Variants in ITPR1 observed in about 807,000 individuals in gnomAD.
The protein encoded by ITPR1 is inositol 1,4,5-trisphosphate receptor type 1.
ITPR1 carries 96 observed loss-of-function variants against 318.4 expected under a neutral mutation model. The observed-to-expected ratio is 0.30, with a 90% CI of 0.26 to 0.36. The LOEUF (loss-of-function observed/expected upper bound fraction) is 0.36, where lower values mean the gene tolerates loss of function less well. Ranked by LOEUF, ITPR1 falls within the 10% of genes least tolerant of loss-of-function variation. The pLI is 1.00. For synonymous variants in ITPR1, 1,312 were observed against 1,289.9 expected, an observed-to-expected ratio of 1.02 and a Z score of -0.37; for missense variants, 2,440 against 3,460.2, an observed-to-expected ratio of 0.71 and a Z score of 7.40.
chr3:4,677,254 C>A (rs1477782325), intron 24 of ITPR1, among the ~76,000 whole-genome samples: 2 of 152,052 alleles, frequency 1.3e-5, no homozygotes, highest in Non-Finnish European at 2.9e-5. Flanking sequence ...CTGGGAGGGT[C>A]CAGCAATGAA....
At chr3:4,701,521 T>G (rs1443912669) in intron 35 of ITPR1, among the ~76,000 whole-genome samples, 1 of 152,082 alleles carries the variant, frequency 6.6e-6, no homozygotes, top group African/African-American at 2.4e-5. Flanking sequence ...GCTTACTATC[T>G]TGGGTGGCTG....
At chr3:4,642,694 G>A (rs1046844279) in intron 7 of ITPR1, among the ~76,000 whole-genome samples, 4 of 152,316 alleles carry the variant, frequency 2.6e-5, no homozygotes, top group African/African-American at 4.8e-5. Flanking sequence ...TTGCTGTGTC[G>A]AGAAGCCGGC....
intron 42 of ITPR1, among the ~76,000 whole-genome samples, chr3:4,731,657 G>C (rs1480538202): frequency 6.6e-6 from 1 of 152,162 alleles, no homozygotes; most frequent in Admixed American, 6.6e-5. Context: ...TAACAGAGTA[G>C]ATAAACCCTT....
chr3:4,741,964 C>T (rs1413576727), intron 44 of ITPR1, among the ~76,000 whole-genome samples: 2 of 152,088 alleles, frequency 1.3e-5, no homozygotes, highest in African/African-American at 4.8e-5. Context: ...CGTGGGGGTT[C>T]GAGAGCTGTT....
intron 3 of ITPR1, among the ~76,000 whole-genome samples, chr3:4,519,808 A>T (rs1002497953): frequency 6.6e-6 from 1 of 152,174 alleles, no homozygotes; most frequent in Non-Finnish European, 1.5e-5. Context: ...CTGAGCTGCC[A>T]GCCTTGGGCA....
intron 44 of ITPR1, among the ~76,000 whole-genome samples, chr3:4,744,441 G>A (rs755370267): frequency 6.6e-6 from 1 of 152,166 alleles, no homozygotes; most frequent in African/African-American, 2.4e-5. Flanking sequence ...GGAGGTTCAG[G>A]GATTAGTAAA....
intron 4 of ITPR1, among the ~76,000 whole-genome samples, chr3:4,522,970 G>C (rs984384680): frequency 3.3e-5 from 5 of 152,234 alleles, no homozygotes. Flanking sequence ...GCTGAATCCA[G>C]CTCAGGGATT....
intron 53 of ITPR1, among the ~76,000 whole-genome samples, chr3:4,797,303 A>G (rs2047963529): frequency 6.6e-6 from 1 of 152,026 alleles, no homozygotes; most frequent in Non-Finnish European, 1.5e-5. Flanking sequence ...TCAGTAGAAG[A>G]GTTGTATTAA....
intron 13 of ITPR1, among the ~76,000 whole-genome samples, chr3:4,659,942 A>C (rs2093797853): frequency 6.6e-6 from 1 of 152,172 alleles, no homozygotes; most frequent in African/African-American, 2.4e-5. Context: ...TTATTGTTAC[A>C]CATAATGCTT....
chr3:4,620,003 T>C (rs1038003307), intron 4 of ITPR1, among the ~76,000 whole-genome samples: 2 of 152,028 alleles, frequency 1.3e-5, no homozygotes, highest in Non-Finnish European at 2.9e-5. Context: ...TCACTTTTGG[T>C]TATTATTTCC....
intron 2 of ITPR1, among the ~76,000 whole-genome samples, chr3:4,515,970 T>C (rs957659824): frequency 6.6e-6 from 1 of 152,254 alleles, no homozygotes; most frequent in Non-Finnish European, 1.5e-5. Flanking sequence ...GGCAGGTTTC[T>C]TTTTATTAAT....
At chr3:4,611,246 A>C (rs1487600464) in intron 4 of ITPR1, among the ~76,000 whole-genome samples, 6 of 148,700 alleles carry the variant, frequency 4.0e-5, no homozygotes, top group Admixed American at 4.0e-4. Flanking sequence ...AAAAAAACAA[A>C]AAAAAAACTA....
intron 58 of ITPR1, 32 bp downstream of exon 58, chr3:4,814,594 A>ACG: frequency 1.8e-6 from 1 of 558,634 alleles, no homozygotes; most frequent in Non-Finnish European, 2.8e-6. Flanking sequence ...GGAAGGGCAA[A>ACG]GGGGGCGGGT....
intron 40 of ITPR1, among the ~76,000 whole-genome samples, chr3:4,718,388 A>G (rs1357551296): frequency 6.6e-6 from 1 of 152,250 alleles, no homozygotes; most frequent in Admixed American, 6.5e-5. Flanking sequence ...CAAATAGAAC[A>G]TGCTGTCTAC....
chr3:4,508,921 G>A (rs534480991), intron 2 of ITPR1, among the ~76,000 whole-genome samples: 61 of 152,280 alleles, frequency 4.0e-4, no homozygotes, highest in South Asian at 8.3e-4. Context: ...AAACATTTCT[G>A]GGATCTTTGT....
intron 4 of ITPR1, among the ~76,000 whole-genome samples, chr3:4,588,579 C>G (rs2090120190): frequency 6.6e-6 from 1 of 152,136 alleles, no homozygotes; most frequent in African/African-American, 2.4e-5. Flanking sequence ...TCATCTCTAT[C>G]TGTGTTCACT....
rs1298106390 is a variant in ITPR1, at chr3:4,644,157, G to T, written c.547G>T (p.Val183Phe). 6.2e-7 allele frequency: 1 copy of T among 1,611,658 alleles called. No homozygotes were observed. Among genetic ancestry groups the T allele is most frequent in the Non-Finnish European group, 8.5e-7 (1 of 1,178,948 alleles). The change falls in exon 8 of 62, where the codon GTT (valine) becomes TTT (phenylalanine). Residue 183 changes from valine (V) to phenylalanine (F), a missense_variant. Around this residue, in one of 23 missense-constraint regions of ITPR1, gnomAD observed 186 missense variants for 323.9 expected, o/e 0.57. Transcript: ENST00000649015. ...CCAGGTGGTCATAGGTGACAAGGTG[G>T]TTCTGAACCCCGTCAATGCTGGTCA... ...GDSVVIGDKV[V>F]LNPVNAGQPL...
intron 4 of ITPR1, among the ~76,000 whole-genome samples, chr3:4,563,607 A>T (rs553621565): frequency 1.3e-5 from 2 of 152,338 alleles, no homozygotes; most frequent in South Asian, 4.1e-4. Context: ...GGTGATAAAA[A>T]TTTGATTTCC....
chr3:4,764,931 A>AG (rs1271178160), intron 44 of ITPR1, among the ~76,000 whole-genome samples: 1 of 149,612 alleles, frequency 6.7e-6, no homozygotes, highest in African/African-American at 2.5e-5. Flanking sequence ...AAATGCAAAA[A>AG]TAAGTAGTGG....
Sources: allele counts gnomAD v4.1 joint callset (sites outside exome capture counted in the v4.1 genomes callset), GRCh38; gene constraint gnomAD v4.1.1; regional missense constraint gnomAD v4.1.1; transcripts MANE v1.5; gene names NCBI Gene and HGNC (gene_info 2026-07-23, HGNC 2026-07-21).